Variants in HYDIN observed in about 807,000 individuals in gnomAD.
HYDIN encodes the protein axonemal central pair apparatus protein HYDIN.
Under a neutral mutation model 403.9 loss-of-function variants are expected in HYDIN, and 132 were observed. The observed-to-expected ratio is 0.33, with a 90% CI of 0.28 to 0.38. The LOEUF is 0.38. Ranked by LOEUF, HYDIN falls within the 10% of genes least tolerant of loss-of-function variation. The pLI, the probability that HYDIN is intolerant of heterozygous loss-of-function variation, is 1.00. For synonymous variants in HYDIN, 1,202 were observed against 1,891.7 expected (o/e 0.64, Z 9.46); for missense variants, 2,827 against 5,009.5 (o/e 0.56, Z 13.15).
intron 6 of HYDIN, among the ~76,000 whole-genome samples, chr16:71,157,697 T>A (rs1361193408): frequency 1.3e-5 from 2 of 151,040 alleles, no homozygotes; most frequent in South Asian, 4.2e-4. Flanking sequence ...CATTATTTCA[T>A]GAAGAGTCTA....
At chr16:71,217,670 T>C (rs1420804177) in intron 1 of HYDIN, among the ~76,000 whole-genome samples, 2 of 152,218 alleles carry the variant, frequency 1.3e-5, no homozygotes, top group African/African-American at 4.8e-5. Context: ...GATGGTTAAT[T>C]GCACCAGCAA....
intron 1 of HYDIN, among the ~76,000 whole-genome samples, chr16:71,206,234 T>C (rs965653323): frequency 7.9e-5 from 12 of 152,170 alleles, no homozygotes; most frequent in African/African-American, 2.7e-4. Context: ...ACATGTCTTG[T>C]TGGCCAACTG....
chr16:70,968,630 A>C (rs371338496), intron 36 of HYDIN, among the ~76,000 whole-genome samples: 1 of 152,168 alleles, frequency 6.6e-6, no homozygotes, highest in South Asian at 2.1e-4. Flanking sequence ...TCTGGCAGTA[A>C]GAAGGCAGTG....
intron 1 of HYDIN, among the ~76,000 whole-genome samples, chr16:71,194,042 C>T (rs2087568889): frequency 6.6e-6 from 1 of 152,220 alleles, no homozygotes; most frequent in South Asian, 2.1e-4. Flanking sequence ...ACATGCGTTA[C>T]AGTAGCCCAG....
intron 8 of HYDIN, chr16:71,132,559 C>A (rs1311977773): frequency 3.3e-4 from 18 of 55,298 alleles, no homozygotes; most frequent in African/African-American, 1.4e-3. Flanking sequence ...GGGGAATTAA[C>A]AGGAGTGGGG....
intron 73 of HYDIN, among the ~76,000 whole-genome samples, chr16:70,851,083 T>G (rs1180247042): frequency 6.7e-6 from 1 of 149,446 alleles, no homozygotes; most frequent in East Asian, 2.0e-4. Flanking sequence ...ATACGAAAAC[T>G]AGAAGAAAAC....
chr16:70,850,689 T>A (rs754479023), intron 73 of HYDIN, 34 bp from the exon 74 acceptor site: 1 of 1,450,076 alleles, frequency 6.9e-7, no homozygotes, highest in Non-Finnish European at 9.5e-7. Context: ...ATTACCTGAC[T>A]AGGCCAACTT....
chr16:71,178,405 G>C (rs1443254021), intron 4 of HYDIN, among the ~76,000 whole-genome samples: 1 of 127,516 alleles, frequency 7.8e-6, no homozygotes, highest in African/African-American at 2.9e-5. Context: ...GGAAACAAGA[G>C]TGAAACTCTG....
chr16:71,003,943 C>A (rs942969138), intron 23 of HYDIN, among the ~76,000 whole-genome samples: 1 of 151,638 alleles, frequency 6.6e-6, no homozygotes, highest in African/African-American at 2.4e-5. Flanking sequence ...TTGTTTCTTC[C>A]TTTCCAAATC....
intron 58 of HYDIN, among the ~76,000 whole-genome samples, chr16:70,888,369 G>T (rs2041270838): frequency 6.6e-6 from 1 of 152,100 alleles, no homozygotes; most frequent in Non-Finnish European, 1.5e-5. Context: ...CACTGCCCTG[G>T]CAGGGGAAGG....
chr16:70,959,936 T>A (rs1399153890), intron 38 of HYDIN, 116 bp from the exon 39 acceptor site: 18 of 587,164 alleles, frequency 3.1e-5, no homozygotes, highest in African/African-American at 7.7e-5. Context: ...CTGTTTTTTT[T>A]AAATGGCAAA....
intron 13 of HYDIN, among the ~76,000 whole-genome samples, chr16:71,074,148 T>TATA (rs1463985920): frequency 6.6e-6 from 1 of 152,132 alleles, no homozygotes; most frequent in Non-Finnish European, 1.5e-5. Flanking sequence ...GTTAGCTTAA[T>TATA]GTATTCCCCA....
chr16:71,139,069 A>C (rs2085055828), intron 7 of HYDIN, among the ~76,000 whole-genome samples: 1 of 148,508 alleles, frequency 6.7e-6, no homozygotes, highest in Non-Finnish European at 1.5e-5. Context: ...GGGCAACAAG[A>C]GCAAAACTCT....
intron 1 of HYDIN, among the ~76,000 whole-genome samples, chr16:71,225,714 A>G (rs748016074): frequency 5.9e-5 from 9 of 152,190 alleles, no homozygotes; most frequent in Middle Eastern, 3.4e-3. Flanking sequence ...CAAACACAAC[A>G]CAGTTCTCCC....
chr16:71,056,622 C>T (rs1218105716), intron 18 of HYDIN, among the ~76,000 whole-genome samples: 3 of 152,192 alleles, frequency 2.0e-5, no homozygotes, highest in East Asian at 1.9e-4. Flanking sequence ...AGATGGCTGA[C>T]GGTGAGTGCC....
At chr16:70,937,999 G>A (rs569200919) in intron 44 of HYDIN, among the ~76,000 whole-genome samples, 1 of 152,310 alleles carries the variant, frequency 6.6e-6, no homozygotes, top group African/African-American at 2.4e-5. Context: ...GTTTCTGTGT[G>A]GTTCCCAGGG....
At chr16:70,919,574 T>C (rs1248101421) in intron 46 of HYDIN, among the ~76,000 whole-genome samples, 6 of 152,124 alleles carry the variant, frequency 3.9e-5, no homozygotes, top group Middle Eastern at 6.8e-3. Context: ...GTCTCTACTT[T>C]TAAAAGTTGA....
intron 45 of HYDIN, among the ~76,000 whole-genome samples, chr16:70,921,759 G>A (rs935159396): frequency 1.3e-5 from 2 of 152,192 alleles, no homozygotes; most frequent in African/African-American, 4.8e-5. Context: ...TGCCTTTTCA[G>A]TTATTAAAAC....
chr16:70,974,854 C>A (rs938570053), intron 31 of HYDIN, among the ~76,000 whole-genome samples, 184 bp from the exon 32 acceptor site: 5 of 152,156 alleles, frequency 3.3e-5, no homozygotes, highest in African/African-American at 1.2e-4. Flanking sequence ...AGATTCACAC[C>A]ACTGTTTTGG....
Sources: gnomAD v4.1 joint callset for allele counts (sites outside exome capture counted in the v4.1 genomes callset) on GRCh38, gnomAD v4.1.1 for gene constraint, MANE v1.5 for transcripts, NCBI Gene and HGNC (gene_info 2026-07-23, HGNC 2026-07-21) for gene names.